PLEKHM3: variants seen among roughly 807,000 people sequenced by gnomAD.
PLEKHM3 encodes pleckstrin homology domain containing M3, also known as pleckstrin homology domain-containing family M member 3.
PLEKHM3 carries 45 observed loss-of-function variants against 81.8 expected under a neutral mutation model. That is an observed-to-expected ratio of 0.55 (90% CI 0.43 to 0.71). PLEKHM3 has a LOEUF of 0.71. Ranked by LOEUF, PLEKHM3 falls within the 30% of genes least tolerant of loss-of-function variation. The probability of loss-of-function intolerance (pLI) is 0.00; values close to 1 mark genes in which losing one functional copy is unlikely to be tolerated. For missense variants in PLEKHM3, 788 were observed against 924.3 expected (o/e 0.85, Z 1.91); for synonymous variants, 352 against 356.4 (o/e 0.99, Z 0.14).
At chr2:207,919,172 C>A (rs1312714889) in intron 5 of PLEKHM3, among the ~76,000 whole-genome samples, 3 of 151,976 alleles carry the variant, frequency 2.0e-5, no homozygotes, top group Non-Finnish European at 4.4e-5. Context: ...AAAAAGGAAG[C>A]AATCTCAGCA....
intron 3 of PLEKHM3, among the ~76,000 whole-genome samples, chr2:207,952,193 C>T (rs1243404759): frequency 6.6e-6 from 1 of 152,040 alleles, no homozygotes; most frequent in African/African-American, 2.4e-5. Context: ...GTCGTTTTCT[C>T]TGTAAAAATA....
chr2:207,883,491 A>G (rs1370423272), intron 6 of PLEKHM3, among the ~76,000 whole-genome samples: 1 of 152,224 alleles, frequency 6.6e-6, no homozygotes, highest in Non-Finnish European at 1.5e-5. Context: ...ATTACTGGCA[A>G]AAGTGAACGA....
At chr2:207,948,300 C>T (rs955397183) in intron 3 of PLEKHM3, among the ~76,000 whole-genome samples, 2 of 150,236 alleles carry the variant, frequency 1.3e-5, no homozygotes, top group African/African-American at 4.9e-5. Context: ...AATTATCATG[C>T]CTTTTTATGG....
At position 207,942,455 on chromosome 2, in the gene PLEKHM3, T is replaced by A. The variant is rs1689972939; in HGVS notation, c.1692+3912A>T. Among the ~76,000 whole-genome samples the A allele has an allele frequency of 2.0e-5, 3 of 152,296 alleles. No individual in the cohort carries two copies. In the South Asian group the frequency reaches 6.2e-4, roughly 32 times the overall value. On this transcript the variant is annotated intron_variant, in intron 4 of 7. Transcript: ENST00000427836. ...TGAGCCCAGGAGGTCAAGGCTGCAGTGAGCCATGACCGTGCTACTGCACTC... is the reference window on the plus strand; with the variant it reads ...TGAGCCCAGGAGGTCAAGGCTGCAGAGAGCCATGACCGTGCTACTGCACTC...
chr2:207,966,627 G>A (rs999767358), intron 3 of PLEKHM3, among the ~76,000 whole-genome samples: 1 of 151,764 alleles, frequency 6.6e-6, no homozygotes, highest in Non-Finnish European at 1.5e-5. Context: ...ATCTTGGCTC[G>A]CTGCAACCTC....
chr2:207,871,320 A>G (rs2105830633), intron 6 of PLEKHM3, among the ~76,000 whole-genome samples: 1 of 152,240 alleles, frequency 6.6e-6, no homozygotes, highest in South Asian at 2.1e-4. Context: ...CAAGACTTAA[A>G]TTTTGGCTAA....
At chr2:207,951,801 A>G (rs1409592010) in intron 3 of PLEKHM3, among the ~76,000 whole-genome samples, 1 of 152,220 alleles carries the variant, frequency 6.6e-6, no homozygotes, top group Non-Finnish European at 1.5e-5. Flanking sequence ...AACTGGCTGC[A>G]GTTGTTGTTA....
Position 207,952,971 on chromosome 2 carries a change from G to A in PLEKHM3, c.1547-6459C>T, listed in dbSNP as rs1559253616. On this transcript the variant is annotated intron_variant, in intron 3 of 7. Coordinates refer to ENST00000427836, the MANE Select transcript of PLEKHM3 (RefSeq NM_001080475.3). Reference sequence around the variant, plus strand: ...GGACAAGGTGGTGACCCATAAAGTAGGAGCTATCTGTTTAGCCATAAATCA... The same window carrying A: ...GGACAAGGTGGTGACCCATAAAGTAAGAGCTATCTGTTTAGCCATAAATCA... Among the ~76,000 whole-genome samples the A allele has an allele frequency of 2.6e-5, 4 of 152,324 alleles. No individual in the cohort carries two copies. The East Asian group carries it at 7.7e-4, about 29-fold the overall frequency.
intron 1 of PLEKHM3, among the ~76,000 whole-genome samples, chr2:208,015,398 T>C (rs1692870410): frequency 6.6e-6 from 1 of 152,218 alleles, no homozygotes; most frequent in African/African-American, 2.4e-5. Context: ...CAAAATCTGT[T>C]TGTTAATCCC....
At position 207,839,076 on chromosome 2, in the gene PLEKHM3, C is replaced by T. The variant is rs1227943104; in HGVS notation, c.2109-10580G>A. The stretch of plus-strand genomic sequence containing the variant: ...CTACCTTCTTAATGTAAAATTGAAA[C>T]ATTTACCTGCCAAGTTTTTGAAGTA... On this transcript the variant is annotated intron_variant, in intron 7 of 7. Transcript: ENST00000427836. Among the ~76,000 whole-genome samples the T allele has an allele frequency of 2.0e-5, 3 of 151,984 alleles. 1 individual carries two copies. The highest frequency in any genetic ancestry group is 4.4e-5 in the Non-Finnish European group (3 of 67,972).
At chr2:207,965,695 T>C (rs917888811) in intron 3 of PLEKHM3, among the ~76,000 whole-genome samples, 18 of 152,332 alleles carry the variant, frequency 1.2e-4, no homozygotes, top group African/African-American at 4.3e-4. Context: ...TTAGTATGTA[T>C]TCATATTCTT....
intron 6 of PLEKHM3, among the ~76,000 whole-genome samples, chr2:207,888,354 T>TAC (rs72373527): frequency 0.41 from 61,645 of 150,008 alleles, 12,863 homozygotes; most frequent in East Asian, 0.53. Context: ...CTTTTCTTCA[T>TAC]ACACACACAC....
intron 3 of PLEKHM3, among the ~76,000 whole-genome samples, chr2:207,970,007 C>T (rs752397424): frequency 2.3e-4 from 35 of 152,268 alleles, no homozygotes; most frequent in Non-Finnish European, 1.2e-4. Context: ...CAATAATCAG[C>T]CCCCTTCTCT....
At chr2:207,862,594 C>T (rs1219210234) in intron 6 of PLEKHM3, among the ~76,000 whole-genome samples, 1 of 151,990 alleles carries the variant, frequency 6.6e-6, no homozygotes, top group East Asian at 1.9e-4. Flanking sequence ...GCCAAGGTCA[C>T]ACCATTGCAC....
chr2:207,999,699 G>A (rs1402312313), intron 2 of PLEKHM3, among the ~76,000 whole-genome samples: 1 of 152,204 alleles, frequency 6.6e-6, no homozygotes, highest in Admixed American at 6.5e-5. Context: ...AGACTGGTGA[G>A]AGCCTACGAG....
At chr2:208,010,277 T>G (rs2106110937) in intron 1 of PLEKHM3, among the ~76,000 whole-genome samples, 1 of 152,356 alleles carries the variant, frequency 6.6e-6, no homozygotes, top group South Asian at 2.1e-4. Context: ...GCATGGCACT[T>G]TAAATCTCAG....
rs1575257814 is a variant in PLEKHM3 at position 207,828,134 on chromosome 2, G to T, written c.*185C>A. 13 of 387,800 alleles carry T rather than the reference G, an allele frequency of 3.4e-5. No individual in the cohort carries two copies. In the East Asian group the frequency reaches 5.6e-4, roughly 17 times the overall value. 24.0% of individuals were successfully genotyped at this position (387,800 alleles called of 1,614,324 possible). On this transcript the variant is annotated 3_prime_UTR_variant, in exon 8 of 8. Transcript: ENST00000427836. ...TTCTGTGGATCGTCTGGACAATGAT[G>T]TACACAGAGCATACGTACAGGACGT...
chr2:207,847,509 C>A (rs945144104), intron 7 of PLEKHM3, among the ~76,000 whole-genome samples: 2 of 152,222 alleles, frequency 1.3e-5, no homozygotes, highest in African/African-American at 4.8e-5. Context: ...CTCTGCCATG[C>A]ACACGACATG....
At chr2:207,981,123 A>T (rs1006830093) in intron 2 of PLEKHM3, among the ~76,000 whole-genome samples, 1 of 148,826 alleles carries the variant, frequency 6.7e-6, no homozygotes, top group African/African-American at 2.5e-5. Context: ...GAGAGACTCC[A>T]TCTCAAAAAA....
Sources: allele counts gnomAD v4.1 joint callset (sites outside exome capture counted in the v4.1 genomes callset), GRCh38; gene constraint gnomAD v4.1.1; transcripts MANE v1.5; gene names NCBI Gene and HGNC (gene_info 2026-07-23, HGNC 2026-07-21).